Variants in MSRA observed in about 807,000 individuals in gnomAD.
MSRA encodes the protein methionine sulfoxide reductase A, also known as mitochondrial peptide methionine sulfoxide reductase.
In MSRA, 54 loss-of-function variants were observed where a neutral mutation model predicts 31.3. That is an observed-to-expected ratio of 1.73 (90% CI 1.39 to 2.17). The LOEUF is 2.17. Among genes scored for constraint, MSRA ranks in the 30% most tolerant of loss-of-function variants. MSRA has a pLI of 0.00. For synonymous variants in MSRA, 169 were observed against 116.5 expected (o/e 1.45, Z -2.90); for missense variants, 507 against 300.9 (o/e 1.69, Z -5.07).
chr8:10,214,877 G>T (rs781538183), intron 2 of MSRA, among the ~76,000 whole-genome samples: 6 of 152,192 alleles, frequency 3.9e-5, no homozygotes, highest in Non-Finnish European at 7.3e-5. Flanking sequence ...TTCTTCTTGA[G>T]TGTAGAGAAG....
At chr8:10,196,113 G>A (rs1368515455) in intron 1 of MSRA, among the ~76,000 whole-genome samples, 2 of 152,222 alleles carry the variant, frequency 1.3e-5, no homozygotes, top group Non-Finnish European at 2.9e-5. Flanking sequence ...ACAGCTGACA[G>A]TGCCCCTTGC....
chr8:10,072,730 C>A (rs1797800421), intron 1 of MSRA, among the ~76,000 whole-genome samples: 1 of 152,246 alleles, frequency 6.6e-6, no homozygotes, highest in South Asian at 2.1e-4. Context: ...TCCATGAGCA[C>A]AGCATGTCTT....
At chr8:10,155,371 G>A (rs758479568) in intron 1 of MSRA, among the ~76,000 whole-genome samples, 6 of 152,170 alleles carry the variant, frequency 3.9e-5, no homozygotes, top group Non-Finnish European at 7.3e-5. Flanking sequence ...ATGAAGTCAT[G>A]TTAAAATACA....
At chr8:10,076,522 C>A (rs1162286396) in intron 1 of MSRA, among the ~76,000 whole-genome samples, 4 of 152,214 alleles carry the variant, frequency 2.6e-5, no homozygotes, top group African/African-American at 9.7e-5. Flanking sequence ...CTCAAAATGA[C>A]TCTTGATGGT....
intron 1 of MSRA, among the ~76,000 whole-genome samples, chr8:10,138,399 C>G (rs949952007): frequency 2.0e-5 from 3 of 152,166 alleles, no homozygotes; most frequent in Admixed American, 2.0e-4. Flanking sequence ...CAAGGCAGGG[C>G]AGAATCTTGC....
intron 3 of MSRA, among the ~76,000 whole-genome samples, chr8:10,247,027 C>G (rs1563265268): frequency 2.0e-5 from 3 of 152,138 alleles, no homozygotes; most frequent in Admixed American, 1.3e-4. Flanking sequence ...TGCTTTATAC[C>G]TATTATCCTC....
At chr8:10,269,114 G>T (rs143229037) in intron 3 of MSRA, among the ~76,000 whole-genome samples, 1 of 152,166 alleles carries the variant, frequency 6.6e-6, no homozygotes, top group Non-Finnish European at 1.5e-5. Flanking sequence ...AGCCAATGTC[G>T]ATGGATTGTT....
At chr8:10,280,359 C>G (rs1799555214) in intron 3 of MSRA, among the ~76,000 whole-genome samples, 1 of 77,292 alleles carries the variant, frequency 1.3e-5, no homozygotes, top group Non-Finnish European at 2.7e-5. Context: ...TTGCTCCTTT[C>G]TAATAATTAA....
chr8:10,121,455 T>C (rs944581282), intron 1 of MSRA, among the ~76,000 whole-genome samples: 15 of 152,128 alleles, frequency 9.9e-5, no homozygotes, highest in Admixed American at 7.9e-4. Context: ...AGTGCAAAAA[T>C]AGTTGCTTAG....
At chr8:10,101,645 C>G (rs144227654) in intron 1 of MSRA, among the ~76,000 whole-genome samples, 12 of 152,110 alleles carry the variant, frequency 7.9e-5, no homozygotes, top group Non-Finnish European at 1.8e-4. Context: ...AGTGTTTGTC[C>G]TTTTGTGACT....
At chr8:10,384,252 C>A (rs1806250543) in intron 5 of MSRA, among the ~76,000 whole-genome samples, 1 of 152,180 alleles carries the variant, frequency 6.6e-6, no homozygotes, top group African/African-American at 2.4e-5. Context: ...GGAGCATCTC[C>A]CTGTACCCCA....
chr8:10,100,962 A>G (rs1799493116), intron 1 of MSRA, among the ~76,000 whole-genome samples: 1 of 152,164 alleles, frequency 6.6e-6, no homozygotes, highest in South Asian at 2.1e-4. Flanking sequence ...AATGTCATTT[A>G]TATCTCTTTT....
chr8:10,297,540 C>G (rs764339296), intron 3 of MSRA, among the ~76,000 whole-genome samples: 1 of 152,216 alleles, frequency 6.6e-6, no homozygotes, highest in African/African-American at 2.4e-5. Flanking sequence ...ATTAGCCTAG[C>G]ACGTTGGCTG....
At chr8:10,402,028 A>T (rs538487385) in intron 5 of MSRA, among the ~76,000 whole-genome samples, 15 of 152,338 alleles carry the variant, frequency 9.8e-5, no homozygotes, top group Admixed American at 3.3e-4. Flanking sequence ...GTATACTTAC[A>T]ATGCCTAAAA....
At chr8:10,171,194 C>T (rs1439587209) in intron 1 of MSRA, among the ~76,000 whole-genome samples, 1 of 152,154 alleles carries the variant, frequency 6.6e-6, no homozygotes, top group Non-Finnish European at 1.5e-5. Flanking sequence ...CAGATGTAGT[C>T]TGGTTAGAAT....
chr8:10,417,768 G>GTGTGTGTGC, intron 5 of MSRA, among the ~76,000 whole-genome samples: 1 of 150,752 alleles, frequency 6.6e-6, no homozygotes, highest in Non-Finnish European at 1.5e-5. Flanking sequence ...GTGTGTGTGT[G>GTGTGTGTGC]TGTGTGTGTG....
intron 5 of MSRA, among the ~76,000 whole-genome samples, chr8:10,408,397 C>T (rs1807953337): frequency 6.6e-6 from 1 of 151,996 alleles, no homozygotes; most frequent in South Asian, 2.1e-4. Context: ...AAAAAATTAG[C>T]CAGGCATGGT....
Position 10,339,531 on chromosome 8 carries a change from C to CTTTTTTTTTTT in MSRA, c.543+19558_543+19568dup, listed in dbSNP as rs774034241. On this transcript the variant is annotated intron_variant, in intron 5 of 5. Transcript: ENST00000317173. Reference sequence around the variant, plus strand: ...GTTAAGCAAGGGGTTTTCTTTCTTTCTTTTTTTTTTTTTTTTTTTTTTTTT... The same window carrying CTTTTTTTTTTT: ...GTTAAGCAAGGGGTTTTCTTTCTTTCTTTTTTTTTTTTTTTTTTTTTTTTTTTTTTTTTTTT... 2.6e-4 allele frequency among the ~76,000 whole-genome samples: 19 copies of CTTTTTTTTTTT among 72,832 alleles called. 1 individual carries two copies. Among genetic ancestry groups the CTTTTTTTTTTT allele is most frequent in the African/African-American group, 1.1e-3 (18 of 15,860 alleles). 47.8% of individuals were successfully genotyped at this position (72,832 alleles called of 152,430 possible).
intron 5 of MSRA, among the ~76,000 whole-genome samples, chr8:10,360,827 A>G (rs1462760027): frequency 1.3e-5 from 2 of 152,104 alleles, no homozygotes; most frequent in Non-Finnish European, 2.9e-5. Flanking sequence ...CTGCCTGTGT[A>G]TGGAGATAAT....
Sources: gnomAD v4.1 joint callset for allele counts (sites outside exome capture counted in the v4.1 genomes callset) on GRCh38, gnomAD v4.1.1 for gene constraint, MANE v1.5 for transcripts, NCBI Gene and HGNC (gene_info 2026-07-23, HGNC 2026-07-21) for gene names.